RBFOX1: variants seen among roughly 807,000 people sequenced by gnomAD.
RBFOX1 encodes RNA binding fox-1 homolog 1, also known as RNA binding protein fox-1 homolog 1.
In RBFOX1, 8 loss-of-function variants were observed where a neutral mutation model predicts 57.7. That is an observed-to-expected ratio of 0.14 (90% CI 0.08 to 0.25). The LOEUF is 0.25. Among genes scored for constraint, RBFOX1 ranks in the 10% least tolerant of loss-of-function variants. RBFOX1 has a pLI of 1.00. For synonymous variants in RBFOX1, 326 were observed against 222.4 expected, an observed-to-expected ratio of 1.47 and a Z score of -4.15; for missense variants, 611 against 548.5, an observed-to-expected ratio of 1.11 and a Z score of -1.14.
chr16:5,763,540 C>T (rs574504068), intron 3 of RBFOX1, among the ~76,000 whole-genome samples: 1 of 152,372 alleles, frequency 6.6e-6, no homozygotes, highest in African/African-American at 2.4e-5. Flanking sequence ...CCCATATTTT[C>T]ACCGAGTAAA....
At chr16:6,310,149 G>C (rs2080069164) in intron 1 of RBFOX1, among the ~76,000 whole-genome samples, 1 of 152,214 alleles carries the variant, frequency 6.6e-6, no homozygotes, top group African/African-American at 2.4e-5. Flanking sequence ...GCCTACGAAA[G>C]TGCTGGGATT....
At chr16:6,681,063 TC>T (rs1379139984) in intron 3 of RBFOX1, among the ~76,000 whole-genome samples, 1 of 152,128 alleles carries the variant, frequency 6.6e-6, no homozygotes, top group Non-Finnish European at 1.5e-5. Context: ...ATAATGCCAG[TC>T]CTTTGCAAGG....
intron 3 of RBFOX1, among the ~76,000 whole-genome samples, chr16:6,762,233 C>G (rs916662964): frequency 2.0e-5 from 3 of 151,988 alleles, no homozygotes; most frequent in Admixed American, 1.3e-4. Context: ...TGCAAATAAT[C>G]TATTATGTAG....
At chr16:6,251,356 A>G (rs1361871540) in intron 1 of RBFOX1, among the ~76,000 whole-genome samples, 2 of 152,116 alleles carry the variant, frequency 1.3e-5, no homozygotes, top group African/African-American at 2.4e-5. Flanking sequence ...TTCTCCTGTT[A>G]CAGGAAGTTC....
At chr16:6,174,580 G>C (rs1312639029) in intron 1 of RBFOX1, among the ~76,000 whole-genome samples, 1 of 152,192 alleles carries the variant, frequency 6.6e-6, no homozygotes, top group African/African-American at 2.4e-5. Flanking sequence ...GGGTGACAGA[G>C]TGAGAGCCTA....
chr16:6,271,384 C>G (rs1380178908), intron 1 of RBFOX1, among the ~76,000 whole-genome samples: 1 of 151,944 alleles, frequency 6.6e-6, no homozygotes, highest in African/African-American at 2.4e-5. Context: ...AGAGTGACCA[C>G]TGCACTTCAG....
At chr16:5,304,161 G>T (rs933858698) in intron 1 of RBFOX1, among the ~76,000 whole-genome samples, 2 of 152,166 alleles carry the variant, frequency 1.3e-5, no homozygotes, top group Non-Finnish European at 1.5e-5. Flanking sequence ...TACCAAGGAA[G>T]GCTTCATCAT....
At chr16:7,609,655 G>A (rs1480573582) in intron 10 of RBFOX1, among the ~76,000 whole-genome samples, 3 of 152,112 alleles carry the variant, frequency 2.0e-5, no homozygotes, top group Non-Finnish European at 4.4e-5. Flanking sequence ...TAATGCTCAT[G>A]GCGATTTTCC....
rs534235473 is a variant in RBFOX1, at chr16:6,408,549, G to A, written c.-64+91492G>A. Among the ~76,000 whole-genome samples, 53 of 152,214 alleles carry A rather than the reference G, an allele frequency of 3.5e-4. 1 individual carries two copies. The highest frequency in any genetic ancestry group is 1.0e-3 in the African/African-American group (42 of 41,556). Reference sequence around the variant, plus strand: ...AGCAGACACTTTGACTTTTCAGAGCGTTATTGATGGAACAAATGTAGTTTG... The same window carrying A: ...AGCAGACACTTTGACTTTTCAGAGCATTATTGATGGAACAAATGTAGTTTG... On this transcript the variant is annotated intron_variant, in intron 2 of 15. Transcript: ENST00000550418.
At chr16:6,728,126 A>G (rs1243527149) in intron 3 of RBFOX1, among the ~76,000 whole-genome samples, 1 of 152,208 alleles carries the variant, frequency 6.6e-6, no homozygotes, top group East Asian at 1.9e-4. Context: ...TTTTATCATT[A>G]GTTTTGACTT....
intron 2 of RBFOX1, among the ~76,000 whole-genome samples, chr16:6,457,636 C>T (rs187252536): frequency 1.3e-5 from 2 of 152,232 alleles, no homozygotes; most frequent in East Asian, 1.9e-4. Context: ...ATTAAGGACC[C>T]GTTTTATGAG....
At chr16:7,145,793 C>G (rs1222720162) in intron 4 of RBFOX1, among the ~76,000 whole-genome samples, 1 of 152,114 alleles carries the variant, frequency 6.6e-6, no homozygotes, top group Non-Finnish European at 1.5e-5. Flanking sequence ...CTCCCTATAC[C>G]TCTCTCTGTT....
chr16:6,158,066 A>T (rs1487483251), intron 1 of RBFOX1, among the ~76,000 whole-genome samples: 1 of 152,204 alleles, frequency 6.6e-6, no homozygotes, highest in Non-Finnish European at 1.5e-5. Flanking sequence ...ACCAATGGAA[A>T]CTAGGAGCGG....
chr16:5,914,767 CGCCTGTAGTCCCA>C (rs2058671249), intron 4 of RBFOX1, among the ~76,000 whole-genome samples: 1 of 152,006 alleles, frequency 6.6e-6, no homozygotes, highest in African/African-American at 2.4e-5. Context: ...TGGTGGCAGG[CGCCTGTAGTCCCA>C]GCTACTCAGG....
rs1298472106 is a variant in RBFOX1, at chr16:7,711,642, T to G, written c.*897T>G. The stretch of plus-strand genomic sequence containing the variant: ...AAAAAGAAAGTAATAAAAACTTAAA[T>G]TCTTTGTACCAGTTAAAAAAAATGT... On this transcript the variant is annotated 3_prime_UTR_variant, in exon 16 of 16. Transcript: ENST00000550418. 2 of 152,544 alleles carry G rather than the reference T, an allele frequency of 1.3e-5. No individual in the cohort carries two copies. The highest frequency in any genetic ancestry group is 2.9e-5 in the Non-Finnish European group (2 of 68,028). The allele number at this position is 152,544 out of a possible 1,614,324, so 9.4% of individuals were successfully genotyped here. A position where few individuals can be genotyped will look rare whatever the true frequency, so the allele number is the denominator to read the frequency against.
chr16:7,703,032 C>T (rs1296849995), intron 14 of RBFOX1, among the ~76,000 whole-genome samples: 2 of 152,156 alleles, frequency 1.3e-5, no homozygotes, highest in Non-Finnish European at 2.9e-5. Context: ...TCTCATTTGA[C>T]CCTATACAGG....
At chr16:6,893,788 T>C (rs1318203825) in intron 3 of RBFOX1, among the ~76,000 whole-genome samples, 3 of 152,196 alleles carry the variant, frequency 2.0e-5, no homozygotes, top group Non-Finnish European at 4.4e-5. Flanking sequence ...GAAGTATTCT[T>C]TCAAGGTATC....
At chr16:5,377,454 C>A (rs1207743934) in intron 1 of RBFOX1, among the ~76,000 whole-genome samples, 1 of 150,318 alleles carries the variant, frequency 6.7e-6, no homozygotes, top group Non-Finnish European at 1.5e-5. Flanking sequence ...AGTGCAAAGG[C>A]TGTTAGAGTT....
At chr16:5,574,385 G>A (rs1250086208) in intron 2 of RBFOX1, among the ~76,000 whole-genome samples, 1 of 150,970 alleles carries the variant, frequency 6.6e-6, no homozygotes, top group Middle Eastern at 3.2e-3. Context: ...CTCAATAACT[G>A]CTTTTGTTTT....
Sources: allele counts gnomAD v4.1 joint callset (sites outside exome capture counted in the v4.1 genomes callset), GRCh38; gene constraint gnomAD v4.1.1; transcripts MANE v1.5; gene names NCBI Gene and HGNC (gene_info 2026-07-23, HGNC 2026-07-21).